ZNF680: variants seen among roughly 807,000 people sequenced by gnomAD.
ZNF680 encodes the protein zinc finger protein 680, also known as hypothetical protein FLJ90430.
Under a neutral mutation model 12.1 loss-of-function variants are expected in ZNF680, and 6 were observed. The ratio of observed to expected loss-of-function variants is 0.49; its 90% confidence interval spans 0.27 to 0.98. The LOEUF is 0.98. Among genes scored for constraint, ZNF680 ranks in the 50% least tolerant of loss-of-function variants. ZNF680 has a pLI of 0.12. For missense variants in ZNF680, 561 were observed against 616.3 expected (o/e 0.91, Z 0.95); for synonymous variants, 170 against 199.3 (o/e 0.85, Z 1.24).
intron 1 of ZNF680, among the ~76,000 whole-genome samples, chr7:64,562,163 C>T (rs1332313577): frequency 6.9e-6 from 1 of 145,648 alleles, no homozygotes; most frequent in Non-Finnish European, 1.5e-5. Context: ...ACCCGGGAGG[C>T]AGAGGTTGTA....
chr7:64,511,904 C>A, the ZNF680 span, among the ~76,000 whole-genome samples: 1 of 150,530 alleles, frequency 6.6e-6, no homozygotes, highest in African/African-American at 2.4e-5. Flanking sequence ...ACTAAAAATA[C>A]AAAAATTAGC....
At chr7:64,530,637 G>A (rs1026101990) in intron 3 of ZNF680, among the ~76,000 whole-genome samples, 85 of 151,916 alleles carry the variant, frequency 5.6e-4, no homozygotes, top group African/African-American at 2.0e-3. Context: ...GAGGCAGGTG[G>A]ATCACAAGAT....
In ZNF680 at chr7:64,522,319, AC is replaced by A. The variant is rs768145929; in HGVS notation, c.434del (p.Cys145PhefsTer2). 9.9e-6 allele frequency: 16 copies of A among 1,612,946 alleles called. No homozygotes were observed. The East Asian group carries it at 3.6e-4, about 36-fold the overall frequency. On this transcript the variant is annotated frameshift_variant, in exon 4 of 4. Coordinates refer to ENST00000309683, the MANE Select transcript of ZNF680 (RefSeq NM_178558.5). LOFTEE classifies it low-confidence loss of function (END_TRUNC). ...FKEGYNELNQCLRTTQSKIFQ... is the reference protein window; with the variant it reads ...FKEGYNELNQXLRTTQSKIFQ... ...ATATTTTGCTCTGGGTAGTTCTCAA[AC>A]ATTGGTTAAGTTCATTATAACCTTC...
chr7:64,557,570 C>A (rs146432422), intron 1 of ZNF680, among the ~76,000 whole-genome samples: 5 of 150,778 alleles, frequency 3.3e-5, no homozygotes, highest in Non-Finnish European at 5.9e-5. Flanking sequence ...AACAAAAAAA[C>A]AAAAAAAAAC....
chr7:64,499,188 G>A, the ZNF680 span, among the ~76,000 whole-genome samples: 8 of 152,060 alleles, frequency 5.3e-5, no homozygotes, highest in South Asian at 2.1e-4. Flanking sequence ...AAATGATTTT[G>A]TTCTTATTTT....
chr7:64,500,922 T>G, the ZNF680 span: 1 of 619,540 alleles, frequency 1.6e-6, no homozygotes, highest in Non-Finnish European at 3.1e-6. Context: ...AAGTGTGATG[T>G]GGAGGCAATC....
At chr7:64,532,558 A>AGT (rs1785945697) in intron 3 of ZNF680, among the ~76,000 whole-genome samples, 1 of 152,164 alleles carries the variant, frequency 6.6e-6, no homozygotes, top group Non-Finnish European at 1.5e-5. Flanking sequence ...AAAAAGTCCA[A>AGT]GACCAGACAG....
At chr7:64,525,641 AAAAT>A (rs1482794803) in intron 3 of ZNF680, 1 of 513,304 alleles carries the variant, frequency 1.9e-6, no homozygotes, top group Non-Finnish European at 2.5e-6. Context: ...TAATAGGACT[AAAAT>A]AAACATTTAA....
chr7:64,545,263 CAAAAAAAA>C (rs532422147), intron 1 of ZNF680, among the ~76,000 whole-genome samples: 1 of 89,718 alleles, frequency 1.1e-5, no homozygotes, highest in Non-Finnish European at 2.3e-5. Context: ...GACTCCATCT[CAAAAAAAA>C]AAAAAAAAAA....
intron 3 of ZNF680, chr7:64,524,909 T>C (rs529978270): frequency 1.4e-3 from 220 of 151,742 alleles, no homozygotes; most frequent in African/African-American, 5.1e-3. Flanking sequence ...ATTAAAACAA[T>C]ACACTCTTGA....
At chr7:64,515,350 A>G (rs918540599), downstream of ZNF680, among the ~76,000 whole-genome samples, 1 of 151,834 alleles carries the variant, frequency 6.6e-6, no homozygotes, top group Admixed American at 6.6e-5. Context: ...CCCCCTAAAA[A>G]ATCCTAGCTA....
intron 3 of ZNF680, among the ~76,000 whole-genome samples, chr7:64,534,514 G>C (rs1321337497): frequency 6.6e-6 from 1 of 152,258 alleles, no homozygotes; most frequent in Non-Finnish European, 1.5e-5. Flanking sequence ...TAAAACAGTA[G>C]ATGCTGGCAC....
In ZNF680 at chr7:64,561,867, G is replaced by A. The variant is rs191603199; in HGVS notation, c.30+1058C>T. Among the ~76,000 whole-genome samples the A allele has an allele frequency of 2.9e-3, 418 of 143,832 alleles. 3 individuals carry two copies. The highest frequency in any genetic ancestry group is 0.019 in the East Asian group (91 of 4,872). The allele number at this position is 143,832 out of a possible 152,430, so 94.4% of individuals were successfully genotyped here. On this transcript the variant is annotated intron_variant, in intron 1 of 3. Transcript: ENST00000309683. ...GGAGAATGGCGTCAACCCAGGAGGC[G>A]GAGCTTGCAGTGAGCCGAGATCGCG...
At chr7:64,511,945 G>A in the ZNF680 span, among the ~76,000 whole-genome samples, 1 of 151,906 alleles carries the variant, frequency 6.6e-6, no homozygotes, top group East Asian at 2.0e-4. Flanking sequence ...TGTAATCCCA[G>A]CTACTCGGGA....
chr7:64,507,518 A>T, the ZNF680 span, among the ~76,000 whole-genome samples: 2 of 148,722 alleles, frequency 1.3e-5, no homozygotes, highest in African/African-American at 4.9e-5. Flanking sequence ...CAATTATTCT[A>T]TTTTTTTTTT....
At chr7:64,544,104 C>T (rs1289560557) in intron 2 of ZNF680, 2 of 705,866 alleles carry the variant, frequency 2.8e-6, no homozygotes, top group Non-Finnish European at 2.2e-6. Flanking sequence ...GGACATAGAT[C>T]AGCTCAGGAA....
At chr7:64,539,395 A>G (rs1380207435) in intron 3 of ZNF680, among the ~76,000 whole-genome samples, 3 of 142,468 alleles carry the variant, frequency 2.1e-5, no homozygotes, top group African/African-American at 8.0e-5. Flanking sequence ...ATCTTGTCCC[A>G]TTTTATTATA....
intron 3 of ZNF680, among the ~76,000 whole-genome samples, chr7:64,541,764 C>A (rs927080217): frequency 1.3e-5 from 2 of 152,204 alleles, no homozygotes; most frequent in Admixed American, 6.5e-5. Context: ...CAGCCACAGT[C>A]TGGGAGAGAC....
intron 3 of ZNF680, among the ~76,000 whole-genome samples, chr7:64,527,028 G>A (rs1277115289): frequency 1.2e-4 from 18 of 151,840 alleles, no homozygotes; most frequent in African/African-American, 4.1e-4. Context: ...ACCTGAGGTC[G>A]GGAGTTCGAG....
Sources: gnomAD v4.1 joint callset for allele counts (sites outside exome capture counted in the v4.1 genomes callset) on GRCh38, gnomAD v4.1.1 for gene constraint, MANE v1.5 for transcripts, NCBI Gene and HGNC (gene_info 2026-07-23, HGNC 2026-07-21) for gene names.